SNRPN: variants seen among roughly 807,000 people sequenced by gnomAD.
SNRPN encodes the protein small nuclear ribonucleoprotein-associated protein N.
SNRPN carries 7 observed loss-of-function variants against 25.2 expected under a neutral mutation model. That is an observed-to-expected ratio of 0.28 (90% CI 0.16 to 0.52). The LOEUF is 0.52. SNRPN is among the 20% of genes least tolerant of loss of function. SNRPN has a pLI of 0.96. For synonymous variants in SNRPN, 124 were observed against 110.6 expected, an observed-to-expected ratio of 1.12 and a Z score of -0.76; for missense variants, 196 against 322.5, an observed-to-expected ratio of 0.61 and a Z score of 3.00.
chr15:24,885,686 A>G (rs922629898), intron 1 of SNRPN, among the ~76,000 whole-genome samples: 2 of 149,308 alleles, frequency 1.3e-5, no homozygotes, highest in Non-Finnish European at 1.5e-5. Flanking sequence ...GCTGATGAGA[A>G]CGAAGGATTT....
chr15:24,960,924 A>C (rs1218430895), intron 1 of SNRPN, among the ~76,000 whole-genome samples: 1 of 152,170 alleles, frequency 6.6e-6, no homozygotes, highest in Non-Finnish European at 1.5e-5. Flanking sequence ...TCACCTGAAA[A>C]AGTTTCTTTG....
chr15:24,858,764 G>T (rs1290480445), intron 1 of SNRPN, among the ~76,000 whole-genome samples: 3 of 152,148 alleles, frequency 2.0e-5, no homozygotes, highest in Non-Finnish European at 2.9e-5. Context: ...TCGAGCCACT[G>T]CACTCCAGTC....
chr15:24,867,356 C>T (rs2054661772), intron 1 of SNRPN, among the ~76,000 whole-genome samples: 1 of 150,626 alleles, frequency 6.6e-6, no homozygotes, highest in Non-Finnish European at 1.5e-5. Flanking sequence ...TTCCCTGTAT[C>T]TGTCTTTATA....
At chr15:24,853,615 A>C (rs2053096978), upstream of SNRPN, among the ~76,000 whole-genome samples, 2 of 152,004 alleles carry the variant, frequency 1.3e-5, no homozygotes, top group African/African-American at 2.4e-5. Context: ...GGCTGGTCTC[A>C]ATCTCCTGAC....
intron 2 of SNRPN, chr15:24,909,207 C>A (rs966290280): frequency 1.1e-5 from 16 of 1,515,408 alleles, no homozygotes; most frequent in Middle Eastern, 2.0e-4. Context: ...CACATGTAAT[C>A]GGCAACATTC....
At chr15:24,893,918 G>T (rs2150856395) in intron 2 of SNRPN, among the ~76,000 whole-genome samples, 1 of 152,156 alleles carries the variant, frequency 6.6e-6, no homozygotes, top group Admixed American at 6.5e-5. Context: ...AAGGAAAAAG[G>T]AAAAAAACCC....
chr15:24,910,503 T>C (rs1249739844), intron 2 of SNRPN, among the ~76,000 whole-genome samples: 4 of 152,036 alleles, frequency 2.6e-5, no homozygotes, highest in Admixed American at 6.6e-5. Context: ...TTATTATTAT[T>C]ATCATTGAGA....
At chr15:24,956,056 GC>G (rs1417127831) in intron 1 of SNRPN, among the ~76,000 whole-genome samples, 1 of 152,130 alleles carries the variant, frequency 6.6e-6, no homozygotes, top group Admixed American at 6.5e-5. Flanking sequence ...TGCCTACACT[GC>G]CGCAGGGGCT....
intron 3 of SNRPN, among the ~76,000 whole-genome samples, chr15:24,930,484 A>C (rs939303618): frequency 1.3e-5 from 2 of 150,756 alleles, no homozygotes; most frequent in African/African-American, 4.9e-5. Context: ...GCTGTGGTAC[A>C]CCTGTAATCC....
chr15:24,885,249 T>C (rs1488178147), intron 1 of SNRPN, among the ~76,000 whole-genome samples: 1 of 152,210 alleles, frequency 6.6e-6, no homozygotes, highest in Admixed American at 6.5e-5. Context: ...TCCTCAATTA[T>C]AAACATGACT....
chr15:24,917,778 G>T (rs974553899), intron 2 of SNRPN, among the ~76,000 whole-genome samples: 1 of 152,112 alleles, frequency 6.6e-6, no homozygotes, highest in African/African-American at 2.4e-5. Flanking sequence ...TTTATGTTGT[G>T]GATTTAGTTT....
At chr15:24,846,668 C>T (rs556791451) in intron 2 of SNRPN, among the ~76,000 whole-genome samples, 5 of 152,248 alleles carry the variant, frequency 3.3e-5, no homozygotes, top group African/African-American at 1.2e-4. Flanking sequence ...CAGGTAGAGA[C>T]CAGGGTGTGT....
upstream of SNRPN, among the ~76,000 whole-genome samples, chr15:24,853,107 A>G (rs532232596): frequency 6.6e-6 from 1 of 152,334 alleles, no homozygotes; most frequent in African/African-American, 2.4e-5. Flanking sequence ...TTGGTAATAT[A>G]AAGAGTTTAC....
At chr15:24,955,354 G>C (rs1471207069) in intron 1 of SNRPN, among the ~76,000 whole-genome samples, 1 of 151,942 alleles carries the variant, frequency 6.6e-6, no homozygotes, top group Non-Finnish European at 1.5e-5. Flanking sequence ...GGTGGTGACT[G>C]GGAGCATGCG....
At chr15:24,958,492 T>TG (rs1555405021) in intron 1 of SNRPN, among the ~76,000 whole-genome samples, 5 of 37,164 alleles carry the variant, frequency 1.3e-4, no homozygotes, top group East Asian at 1.0e-3. Flanking sequence ...CAAAGTTTTT[T>TG]TTTTTTTTTT....
intron 4 of SNRPN, chr15:24,974,693 T>G (rs2076862746): frequency 1.6e-6 from 1 of 614,490 alleles, no homozygotes; most frequent in Non-Finnish European, 2.9e-6. Flanking sequence ...CGGTCTTGGC[T>G]CACTGCAACC....
intron 1 of SNRPN, among the ~76,000 whole-genome samples, chr15:24,825,030 C>T (rs1258973314): frequency 6.6e-6 from 1 of 151,910 alleles, no homozygotes; most frequent in Non-Finnish European, 1.5e-5. Flanking sequence ...GGTCTAAAAG[C>T]GATTCTGGGG....
intron 3 of SNRPN, among the ~76,000 whole-genome samples, chr15:24,947,640 A>G (rs2153160625): frequency 6.6e-6 from 1 of 152,342 alleles, no homozygotes; most frequent in South Asian, 2.1e-4. Flanking sequence ...AAAGAAAAAA[A>G]CCAAAACAGA....
At chr15:24,949,642 C>CTCTA (rs1404411416) in intron 3 of SNRPN, among the ~76,000 whole-genome samples, 1 of 152,094 alleles carries the variant, frequency 6.6e-6, no homozygotes, top group East Asian at 1.9e-4. Context: ...CAGAGTGACA[C>CTCTA]TCTATCTCAA....
Sources: gnomAD v4.1 joint callset for allele counts (sites outside exome capture counted in the v4.1 genomes callset) on GRCh38, gnomAD v4.1.1 for gene constraint, MANE v1.5 for transcripts, NCBI Gene and HGNC (gene_info 2026-07-23, HGNC 2026-07-21) for gene names.